The following TLN2 variants were observed in gnomAD, a reference collection of about 807,000 sequenced individuals.
TLN2 encodes talin-2.
TLN2 carries 118 observed loss-of-function variants against 294.7 expected under a neutral mutation model. That is an observed-to-expected ratio of 0.40 (90% CI 0.34 to 0.47). The LOEUF is 0.47. TLN2 is among the 20% of genes least tolerant of loss of function. TLN2 has a pLI of 0.84. For missense variants in TLN2, 3,083 were observed against 3,282.2 expected (o/e 0.94, Z 1.48); for synonymous variants, 1,431 against 1,304.5 (o/e 1.10, Z -2.09).
chr15:62,450,557 G>C (rs71409109), intron 1 of TLN2, among the ~76,000 whole-genome samples: 13 of 140,718 alleles, frequency 9.2e-5, no homozygotes, highest in African/African-American at 3.5e-4. Flanking sequence ...ATGTGTGTGT[G>C]TGTGTGTGTG....
intron 2 of TLN2, among the ~76,000 whole-genome samples, chr15:62,618,109 T>C (rs1409037917): frequency 6.6e-6 from 1 of 152,018 alleles, no homozygotes; most frequent in Non-Finnish European, 1.5e-5. Flanking sequence ...CCTCAGGCAA[T>C]TCTTGAGATA....
intron 52 of TLN2, among the ~76,000 whole-genome samples, chr15:62,812,004 T>C (rs2066719262): frequency 8.3e-6 from 1 of 120,264 alleles, no homozygotes; most frequent in Non-Finnish European, 1.7e-5. Flanking sequence ...AAAGCAAGAC[T>C]CCATCTCAAT....
At chr15:62,537,240 G>A (rs569438394) in intron 1 of TLN2, among the ~76,000 whole-genome samples, 3 of 152,116 alleles carry the variant, frequency 2.0e-5, no homozygotes, top group East Asian at 1.9e-4. Flanking sequence ...GGATGATCTC[G>A]ATCTGACCTC....
chr15:62,703,617 ACACACG>A (rs1171339642), intron 19 of TLN2, among the ~76,000 whole-genome samples: 11 of 105,818 alleles, frequency 1.0e-4, no homozygotes, highest in African/African-American at 3.7e-4. Flanking sequence ...ACACACACAC[ACACACG>A]CGCGCACACA....
chr15:62,393,250 C>A (rs2032248861), intron 1 of TLN2, among the ~76,000 whole-genome samples: 1 of 152,144 alleles, frequency 6.6e-6, no homozygotes, highest in Admixed American at 6.5e-5. Flanking sequence ...TAGAGGGTCT[C>A]TCTTTTTGGC....
intron 1 of TLN2, among the ~76,000 whole-genome samples, chr15:62,457,182 T>G (rs905677743): frequency 1.3e-5 from 2 of 152,184 alleles, no homozygotes; most frequent in African/African-American, 4.8e-5. Context: ...CTAGCATGAT[T>G]GGGTTCTGGT....
intron 1 of TLN2, among the ~76,000 whole-genome samples, chr15:62,578,493 G>A (rs2044630386): frequency 6.6e-6 from 1 of 152,152 alleles, no homozygotes; most frequent in Non-Finnish European, 1.5e-5. Context: ...CTTGAACCCG[G>A]GAGGTGGAGG....
At chr15:62,498,917 CAG>C (rs1256848386) in intron 1 of TLN2, among the ~76,000 whole-genome samples, 1 of 152,122 alleles carries the variant, frequency 6.6e-6, no homozygotes, top group Non-Finnish European at 1.5e-5. Flanking sequence ...TCTTGTTAAA[CAG>C]AGTAGAGGTC....
chr15:62,809,995 C>G lies in TLN2; in HGVS notation c.6734C>G (p.Thr2245Ser). Residue 2245 changes from threonine (T) to serine (S), a missense_variant, in exon 52 of 59, where the codon ACC (threonine) becomes AGC (serine). Thr to Ser is a moderately conservative substitution (Grantham distance 58). Transcript: ENST00000636159. ...TRALRFGTEC[T>S]LGYLDLLEHV... ...GCCTTGCGTTTCGGGACGGAGTGCA[C>G]CCTTGGCTACTTGGACCTCCTGGAG... The G allele has an allele frequency of 1.2e-6, 2 of 1,614,050 alleles. No individual in the cohort carries two copies. Among genetic ancestry groups the G allele is most frequent in the Non-Finnish European group, 1.7e-6 (2 of 1,180,016 alleles).
intron 1 of TLN2, among the ~76,000 whole-genome samples, chr15:62,420,788 G>A (rs957852402): frequency 6.6e-6 from 1 of 152,134 alleles, no homozygotes; most frequent in Non-Finnish European, 1.5e-5. Context: ...AAACTTTACT[G>A]TGGGTCTGAA....
At chr15:62,514,258 C>T (rs538917036) in intron 1 of TLN2, among the ~76,000 whole-genome samples, 1 of 152,162 alleles carries the variant, frequency 6.6e-6, no homozygotes, top group Admixed American at 6.5e-5. Flanking sequence ...TGAGGTTTTA[C>T]CTGATGTCAT....
At chr15:62,830,705 C>G (rs1486636836) in intron 54 of TLN2, 1 of 152,166 alleles carries the variant, frequency 6.6e-6, no homozygotes, top group East Asian at 1.9e-4. Flanking sequence ...GGCAGTGCGT[C>G]TTAGTCATAA....
intron 37 of TLN2, among the ~76,000 whole-genome samples, chr15:62,759,810 C>G (rs55740348): frequency 0.053 from 8,145 of 152,290 alleles, 306 homozygotes; most frequent in Non-Finnish European, 0.076. Flanking sequence ...TCCACTCTTG[C>G]AATCAGCCTG....
At chr15:62,820,440 G>A in intron 53 of TLN2, 46 bp from the exon 54 acceptor site, 1 of 1,606,244 alleles carries the variant, frequency 6.2e-7, no homozygotes, top group South Asian at 1.1e-5. Flanking sequence ...CCAGTGCCCT[G>A]AGGTCTGCAG....
chr15:62,815,389 T>TC (rs2067035016), intron 52 of TLN2, among the ~76,000 whole-genome samples: 1 of 152,166 alleles, frequency 6.6e-6, no homozygotes, highest in African/African-American at 2.4e-5. Context: ...GAAAAATTGA[T>TC]CCCGTTTTTA....
At chr15:62,392,719 G>A (rs2032200303) in intron 1 of TLN2, among the ~76,000 whole-genome samples, 1 of 152,160 alleles carries the variant, frequency 6.6e-6, no homozygotes, top group Non-Finnish European at 1.5e-5. Context: ...CTTCACTGAA[G>A]AGGCTAGAAG....
At chr15:62,514,738 G>C (rs897316489) in intron 1 of TLN2, among the ~76,000 whole-genome samples, 9 of 152,324 alleles carry the variant, frequency 5.9e-5, no homozygotes, top group Admixed American at 2.0e-4. Flanking sequence ...TAATCTCTCA[G>C]TAGTCCTTAA....
At position 62,697,763 on chromosome 15, in the gene TLN2, G is replaced by T; in HGVS notation, c.1368G>T (p.Met456Ile). 6.2e-7 allele frequency: 1 copy of T among 1,612,498 alleles called. No individual in the cohort carries two copies. The highest frequency in any genetic ancestry group is 8.5e-7 in the Non-Finnish European group (1 of 1,179,192). The change falls in exon 15 of 59, where the codon ATG (methionine) becomes ATT (isoleucine). Residue 456 changes from methionine (M) to isoleucine (I), a missense_variant. Met to Ile is a conservative substitution (Grantham distance 10). Transcript: ENST00000636159. ...GCTCAGTGGCGCTGCCGGCCGTGAT[G>T]CGCTCGGGCTCCAGCGGGCCTGAGA... ...EHGSVALPAV[M>I]RSGSSGPETF...
chr15:62,571,276 C>A (rs1376326621), intron 1 of TLN2, among the ~76,000 whole-genome samples: 2 of 152,256 alleles, frequency 1.3e-5, no homozygotes, highest in South Asian at 4.1e-4. Flanking sequence ...ATCACTCCTG[C>A]GAGTCAGTCC....
Sources: allele counts gnomAD v4.1 joint callset (sites outside exome capture counted in the v4.1 genomes callset), GRCh38; gene constraint gnomAD v4.1.1; transcripts MANE v1.5; gene names NCBI Gene and HGNC (gene_info 2026-07-23, HGNC 2026-07-21).